Variants in PTGFRN observed in about 807,000 individuals in gnomAD.
The protein encoded by PTGFRN is prostaglandin F2 receptor inhibitor, also known as prostaglandin F2 receptor negative regulator.
In PTGFRN, 35 loss-of-function variants were observed where a neutral mutation model predicts 83.2. The observed-to-expected ratio is 0.42, with a 90% CI of 0.32 to 0.56. The LOEUF is 0.56. PTGFRN is among the 20% of genes least tolerant of loss of function. The pLI is 0.11. For missense variants in PTGFRN, 1,051 were observed against 1,179.5 expected (o/e 0.89, Z 1.60); for synonymous variants, 519 against 498.6 (o/e 1.04, Z -0.55).
chr1:116,916,312 A>C (rs1649404729), intron 1 of PTGFRN, among the ~76,000 whole-genome samples: 1 of 152,198 alleles, frequency 6.6e-6, no homozygotes, highest in Non-Finnish European at 1.5e-5. Context: ...TTTGGCTTAG[A>C]ATAGCGAAGA....
At chr1:116,932,959 TA>T (rs757215363) in intron 1 of PTGFRN, among the ~76,000 whole-genome samples, 1 of 152,208 alleles carries the variant, frequency 6.6e-6, no homozygotes, top group African/African-American at 2.4e-5. Flanking sequence ...ATATCTGTGA[TA>T]GGGGTGGTAA....
chr1:116,935,964 A>G (rs1258889000), intron 1 of PTGFRN, among the ~76,000 whole-genome samples: 1 of 152,210 alleles, frequency 6.6e-6, no homozygotes, highest in Non-Finnish European at 1.5e-5. Flanking sequence ...GCCATAATTC[A>G]AGATTGTTAC....
intron 7 of PTGFRN, among the ~76,000 whole-genome samples, chr1:116,978,833 C>A (rs2101088700): frequency 6.6e-6 from 1 of 152,268 alleles, no homozygotes; most frequent in East Asian, 1.9e-4. Flanking sequence ...TACCCTCTCT[C>A]ACCACTCCTA....
At chr1:116,980,545 G>A (rs1651285986) in intron 7 of PTGFRN, among the ~76,000 whole-genome samples, 1 of 152,214 alleles carries the variant, frequency 6.6e-6, no homozygotes, top group Non-Finnish European at 1.5e-5. Flanking sequence ...ATGAGTTCAT[G>A]TCCTTTGTAG....
chr1:116,923,832 A>G lies in PTGFRN; in HGVS notation c.49+13580A>G, dbSNP rs540740204. On this transcript the variant is annotated intron_variant, in intron 1 of 8. Coordinates refer to ENST00000393203, the MANE Select transcript of PTGFRN (RefSeq NM_020440.4). The surrounding 1 kb of genome is among the most constrained non-coding windows in gnomAD (Gnocchi z 4.0). ...TCTCACTGGGTAGTTAATAACCACT[A>G]TTTATTATCTGCCCCATGTCGAGCA... 5.7e-4 allele frequency among the ~76,000 whole-genome samples: 87 copies of G among 152,228 alleles called. No homozygotes were observed. Among genetic ancestry groups the G allele is most frequent in the African/African-American group, 1.9e-3 (77 of 41,518 alleles).
intron 1 of PTGFRN, among the ~76,000 whole-genome samples, chr1:116,929,356 A>C (rs547737411): frequency 6.6e-6 from 1 of 152,252 alleles, no homozygotes; most frequent in African/African-American, 2.4e-5. Flanking sequence ...TTGCTTCCAA[A>C]TTGGCCCCAT....
At chr1:116,921,630 C>CTTT (rs35543292) in intron 1 of PTGFRN, among the ~76,000 whole-genome samples, 7 of 144,076 alleles carry the variant, frequency 4.9e-5, no homozygotes, top group African/African-American at 1.8e-4. Flanking sequence ...GCTTTGTAAT[C>CTTT]TTTTTTTTTT....
At chr1:116,978,976 A>G (rs1271168384) in intron 7 of PTGFRN, among the ~76,000 whole-genome samples, 1 of 152,196 alleles carries the variant, frequency 6.6e-6, no homozygotes, top group African/African-American at 2.4e-5. Context: ...AGAAAACCCC[A>G]TCGTCTCAGC....
At chr1:116,924,473 A>G (rs1185187926) in intron 1 of PTGFRN, among the ~76,000 whole-genome samples, 1 of 152,170 alleles carries the variant, frequency 6.6e-6, no homozygotes, top group Non-Finnish European at 1.5e-5. Flanking sequence ...CATTAGTGCC[A>G]TGTCTGGATT....
rs1018048832 is a variant in PTGFRN, at chr1:116,910,072, G to T, written c.-132G>T. ...CCAGCGCTGGGATTTATCGGCTCGCGAGGAGAGCGGAGCAGGCGCGCGGCC... is the reference window on the plus strand; with the variant it reads ...CCAGCGCTGGGATTTATCGGCTCGCTAGGAGAGCGGAGCAGGCGCGCGGCC... On this transcript the variant is annotated 5_prime_UTR_variant, in exon 1 of 9. Transcript: ENST00000393203. 3.0e-6 allele frequency: 3 copies of T among 995,756 alleles called. No individual in the cohort carries two copies. The highest frequency in any genetic ancestry group is 4.1e-5 in the Admixed American group (2 of 49,244). The allele number at this position is 995,756 out of a possible 1,614,324, so 61.7% of individuals were successfully genotyped here. A position where few individuals can be genotyped will look rare whatever the true frequency, so the allele number is the denominator to read the frequency against.
rs371400807 is a variant in PTGFRN at position 116,961,680 on chromosome 1, T to C, written c.1639+12T>C. On this transcript the variant is annotated intron_variant, in intron 5 of 8. Transcript: ENST00000393203. This position sits in a 1 kb window ranked among gnomAD's most constrained non-coding sequence, Gnocchi z 5.4. Reference sequence around the variant, plus strand: ...TTGGGCATTAGAAGGTAGGAACTTTTTTCTTGTTATTCATTTTTGTTTTGT... The same window carrying C: ...TTGGGCATTAGAAGGTAGGAACTTTCTTCTTGTTATTCATTTTTGTTTTGT... The C allele has an allele frequency of 3.4e-4, 540 of 1,590,966 alleles. 1 individual carries two copies. The highest frequency in any genetic ancestry group is 1.0e-3 in the Middle Eastern group (6 of 5,928).
At chr1:116,945,745 T>G (rs77106379) in intron 3 of PTGFRN, among the ~76,000 whole-genome samples, 1 of 91,716 alleles carries the variant, frequency 1.1e-5, no homozygotes, top group African/African-American at 5.0e-5. Flanking sequence ...GTGAATCAGC[T>G]TTTTTTTTTT....
chr1:116,949,623 G>A (rs749767986), intron 4 of PTGFRN, 51 bp downstream of exon 4: 8 of 1,553,738 alleles, frequency 5.1e-6, no homozygotes, highest in Non-Finnish European at 7.0e-6. Context: ...ACCCCTCCTC[G>A]GAGTTATCTG....
Position 116,930,457 on chromosome 1 carries a change from C to T in PTGFRN, c.50-11258C>T, listed in dbSNP as rs541253970. 7.2e-5 allele frequency among the ~76,000 whole-genome samples: 11 copies of T among 152,298 alleles called. 1 individual carries two copies. The highest frequency in any genetic ancestry group is 7.2e-4 in the Admixed American group (11 of 15,294). ...CAGATTTCCTTTTTACCCCCCACTC[C>T]CTCCGTGCATGTGACTCCACATTGA... On this transcript the variant is annotated intron_variant, in intron 1 of 8. Coordinates refer to ENST00000393203, the MANE Select transcript of PTGFRN (RefSeq NM_020440.4).
chr1:116,943,203 A>T (rs537424596), intron 2 of PTGFRN, among the ~76,000 whole-genome samples: 1 of 152,248 alleles, frequency 6.6e-6, no homozygotes, highest in Non-Finnish European at 1.5e-5. Flanking sequence ...CACTAGACTC[A>T]TCAGGGGATA....
At chr1:116,972,348 G>A (rs1651027393) in intron 6 of PTGFRN, among the ~76,000 whole-genome samples, 2 of 152,278 alleles carry the variant, frequency 1.3e-5, no homozygotes, top group African/African-American at 2.4e-5. Flanking sequence ...AGAACTCTCA[G>A]CAGTTTCTAC....
intron 5 of PTGFRN, 86 bp from the exon 6 acceptor site, chr1:116,966,825 C>A: frequency 7.2e-7 from 1 of 1,392,754 alleles, no homozygotes; most frequent in Non-Finnish European, 9.6e-7. Context: ...AAATACATTT[C>A]TGTTTCTTGG....
intron 4 of PTGFRN, among the ~76,000 whole-genome samples, chr1:116,955,952 G>A (rs1650475173): frequency 6.6e-6 from 1 of 152,212 alleles, no homozygotes; most frequent in South Asian, 2.1e-4. Flanking sequence ...GAGTTCAAAG[G>A]AGGCATTCTC....
chr1:116,931,268 C>T (rs1251830930), intron 1 of PTGFRN, among the ~76,000 whole-genome samples: 7 of 152,150 alleles, frequency 4.6e-5, no homozygotes, highest in African/African-American at 9.7e-5. Flanking sequence ...TGGTCCCAAA[C>T]GTTTTGAATA....
Sources: gnomAD v4.1 joint callset for allele counts (sites outside exome capture counted in the v4.1 genomes callset) on GRCh38, gnomAD v4.1.1 for gene constraint, Gnocchi (gnomAD v3.1) non-coding constraint, MANE v1.5 for transcripts, NCBI Gene and HGNC (gene_info 2026-07-23, HGNC 2026-07-21) for gene names.